ITSN1: variants seen among roughly 807,000 people sequenced by gnomAD.
The protein encoded by ITSN1 is intersectin-1.
ITSN1 carries 58 observed loss-of-function variants against 239.8 expected under a neutral mutation model. The ratio of observed to expected loss-of-function variants is 0.24; its 90% confidence interval spans 0.20 to 0.30. ITSN1 has a LOEUF of 0.30. ITSN1 is among the 10% of genes least tolerant of loss of function. ITSN1 has a pLI of 1.00. For missense variants in ITSN1, 1,558 were observed against 2,103.3 expected (o/e 0.74, Z 5.07); for synonymous variants, 780 against 770.8 (o/e 1.01, Z -0.20).
intron 4 of ITSN1, among the ~76,000 whole-genome samples, chr21:33,726,974 G>A (rs1601862869): frequency 6.6e-6 from 1 of 152,264 alleles, no homozygotes; most frequent in East Asian, 1.9e-4. Flanking sequence ...TTATTTCCAT[G>A]TAGAAACTAT....
intron 7 of ITSN1, among the ~76,000 whole-genome samples, chr21:33,753,716 C>G (rs1457763852): frequency 7.3e-6 from 1 of 136,858 alleles, no homozygotes; most frequent in Non-Finnish European, 1.5e-5. Context: ...GAGCTGAGAT[C>G]GCGGCATTGC....
At position 33,794,379 on chromosome 21, in the gene ITSN1, G is replaced by T. The variant is rs1240291912; in HGVS notation, c.1863G>T (p.Lys621Asn). The T allele has an allele frequency of 1.2e-6, 2 of 1,613,672 alleles. No homozygotes were observed. Among genetic ancestry groups the T allele is most frequent in the African/African-American group, 2.7e-5 (2 of 74,874 alleles). ...REIHNKQQLQKQKSMEAERLK... is the reference protein window; with the variant it reads ...REIHNKQQLQNQKSMEAERLK... Reference sequence around the variant, plus strand: ...TACACAATAAGCAACAACTCCAGAAGCAAAAGTCCATGGAGGCTGAACGAC... The same window carrying T: ...TACACAATAAGCAACAACTCCAGAATCAAAAGTCCATGGAGGCTGAACGAC... Residue 621 changes from lysine (K) to asparagine (N), a missense_variant, in exon 17 of 40, where the codon AAG (lysine) becomes AAT (asparagine). By Grantham distance (94) the Lys-to-Asn change is moderately conservative. Around this residue, in one of 2 missense-constraint regions of ITSN1, gnomAD observed 982 missense variants for 1,209.9 expected, o/e 0.81. Coordinates refer to ENST00000381318, the MANE Select transcript of ITSN1 (RefSeq NM_003024.3).
At chr21:33,723,009 T>A (rs993750204) in intron 4 of ITSN1, among the ~76,000 whole-genome samples, 1 of 152,264 alleles carries the variant, frequency 6.6e-6, no homozygotes, top group Non-Finnish European at 1.5e-5. Context: ...AATGATTTTT[T>A]ATCTTTCATT....
intron 1 of ITSN1, among the ~76,000 whole-genome samples, chr21:33,660,225 ATCT>A (rs1320645559): frequency 6.6e-6 from 1 of 152,184 alleles, no homozygotes; most frequent in East Asian, 1.9e-4. Context: ...TGCCAAAATA[ATCT>A]TTGTTATGTG....
intron 34 of ITSN1, among the ~76,000 whole-genome samples, chr21:33,879,724 A>G (rs971708425): frequency 5.3e-5 from 8 of 152,126 alleles, no homozygotes; most frequent in Non-Finnish European, 1.0e-4. Context: ...CTCTTACCCA[A>G]GCTGGAGTGC....
At chr21:33,656,782 C>G (rs2089126937) in intron 1 of ITSN1, among the ~76,000 whole-genome samples, 1 of 152,176 alleles carries the variant, frequency 6.6e-6, no homozygotes. Context: ...GCGATCTCGG[C>G]TCACTGCAAC....
At chr21:33,667,080 A>C (rs1328578354) in intron 1 of ITSN1, among the ~76,000 whole-genome samples, 3 of 151,170 alleles carry the variant, frequency 2.0e-5, no homozygotes, top group Non-Finnish European at 2.9e-5. Flanking sequence ...TCGGCCTCCC[A>C]AATTCTGAGA....
intron 7 of ITSN1, among the ~76,000 whole-genome samples, chr21:33,753,220 A>G (rs1602021159): frequency 6.6e-6 from 1 of 152,154 alleles, no homozygotes; most frequent in Non-Finnish European, 1.5e-5. Context: ...GGATACAGGT[A>G]TTTATTTGTG....
At chr21:33,668,404 G>T (rs2090057624) in intron 1 of ITSN1, among the ~76,000 whole-genome samples, 1 of 152,254 alleles carries the variant, frequency 6.6e-6, no homozygotes, top group Admixed American at 6.5e-5. Flanking sequence ...GAGTAAGCCA[G>T]TGCCTCCAGC....
Position 33,865,089 on chromosome 21 carries a change from T to C in ITSN1, c.3891-62T>C. ...ACATTCTGTTTCTGTGCAACCTAAGTGTGCTGTGGTGCTGTCAGATAGCGT... is the reference window on the plus strand; with the variant it reads ...ACATTCTGTTTCTGTGCAACCTAAGCGTGCTGTGGTGCTGTCAGATAGCGT... On this transcript the variant is annotated intron_variant, in intron 31 of 39. Coordinates refer to ENST00000381318, the MANE Select transcript of ITSN1 (RefSeq NM_003024.3). This position sits in a 1 kb window ranked among gnomAD's most constrained non-coding sequence, Gnocchi z 4.4. The C allele has an allele frequency of 2.6e-6, 4 of 1,512,782 alleles. No individual in the cohort carries two copies. The highest frequency in any genetic ancestry group is 3.6e-6 in the Non-Finnish European group (4 of 1,112,818). The allele number at this position is 1,512,782 out of a possible 1,614,324, so 93.7% of individuals were successfully genotyped here. A position where few individuals can be genotyped will look rare whatever the true frequency, so the allele number is the denominator to read the frequency against.
At chr21:33,835,573 T>C (rs938182525) in intron 28 of ITSN1, among the ~76,000 whole-genome samples, 2 of 152,052 alleles carry the variant, frequency 1.3e-5, no homozygotes, top group East Asian at 3.9e-4. Context: ...TTCTTGAGGG[T>C]GGAGATTTCT....
intron 29 of ITSN1, among the ~76,000 whole-genome samples, chr21:33,846,225 A>G (rs1300679154): frequency 3.3e-5 from 5 of 152,096 alleles, no homozygotes; most frequent in Non-Finnish European, 5.9e-5. Context: ...CCCCAGCTGC[A>G]AATGCCTTTG....
intron 5 of ITSN1, among the ~76,000 whole-genome samples, chr21:33,748,281 C>T (rs1018940812): frequency 2.6e-5 from 4 of 151,860 alleles, no homozygotes; most frequent in Admixed American, 1.3e-4. Context: ...AAGACCCTGT[C>T]TCTACAAAAA....
chr21:33,732,872 C>A (rs535870204), intron 4 of ITSN1, among the ~76,000 whole-genome samples: 87 of 151,960 alleles, frequency 5.7e-4, no homozygotes, highest in African/African-American at 1.9e-3. Flanking sequence ...ATACATTTAG[C>A]AAGAAAAGCA....
intron 21 of ITSN1, among the ~76,000 whole-genome samples, chr21:33,811,721 T>C (rs1269036797): frequency 6.6e-6 from 1 of 152,236 alleles, no homozygotes; most frequent in Non-Finnish European, 1.5e-5. Flanking sequence ...AAGAGGTGTT[T>C]GCACTTGGCC....
At chr21:33,876,524 C>A (rs1983946472) in intron 34 of ITSN1, among the ~76,000 whole-genome samples, 1 of 152,112 alleles carries the variant, frequency 6.6e-6, no homozygotes, top group Admixed American at 6.6e-5. Context: ...GCCACCATGC[C>A]CAGCTATGCT....
chr21:33,771,062 A>G (rs1374364541), intron 11 of ITSN1, among the ~76,000 whole-genome samples: 1 of 152,128 alleles, frequency 6.6e-6, no homozygotes, highest in Non-Finnish European at 1.5e-5. Flanking sequence ...CACTGCACCC[A>G]GCCAGGACTT....
At position 33,775,962 on chromosome 21, in the gene ITSN1, A is replaced by G. The variant is rs7282812; in HGVS notation, c.1596+854A>G. On this transcript the variant is annotated intron_variant, in intron 14 of 39. Transcript: ENST00000381318. ...TTCATGTAAATATTGCCTGTGGATG[A>G]TCATATTTGCCTGTGATTCCTTTAT... Among the ~76,000 whole-genome samples, 1,171 of 152,236 alleles carry G rather than the reference A, an allele frequency of 7.7e-3. 10 individuals are homozygous for G. The highest frequency in any genetic ancestry group is 0.027 in the African/African-American group (1,110 of 41,526).
chr21:33,765,209 A>G (rs2068632673), intron 9 of ITSN1, among the ~76,000 whole-genome samples: 1 of 152,224 alleles, frequency 6.6e-6, no homozygotes, highest in Non-Finnish European at 1.5e-5. Flanking sequence ...CCTGGTCTAG[A>G]GCAGAACATT....
Sources: allele counts gnomAD v4.1 joint callset (sites outside exome capture counted in the v4.1 genomes callset), GRCh38; gene constraint gnomAD v4.1.1; regional missense constraint gnomAD v4.1.1; non-coding constraint Gnocchi (gnomAD v3.1); transcripts MANE v1.5; gene names NCBI Gene and HGNC (gene_info 2026-07-23, HGNC 2026-07-21).